Variants in GSDMA observed in about 807,000 individuals in gnomAD.
The protein encoded by GSDMA is gasdermin-A.
A neutral mutation model predicts 54.3 loss-of-function variants in GSDMA; 55 were observed. The observed-to-expected ratio is 1.01, with a 90% CI of 0.82 to 1.27. The LOEUF is 1.27. Among genes scored for constraint, GSDMA ranks in the 50% most tolerant of loss-of-function variants. GSDMA has a pLI of 0.00. For missense variants in GSDMA, 542 were observed against 542.6 expected, an observed-to-expected ratio of 1.00 and a Z score of 0.01; for synonymous variants, 211 against 224.7, an observed-to-expected ratio of 0.94 and a Z score of 0.54.
intron 3 of GSDMA, among the ~76,000 whole-genome samples, chr17:39,967,510 T>C (rs1979722977): frequency 6.6e-6 from 1 of 152,066 alleles, no homozygotes; most frequent in South Asian, 2.1e-4. Context: ...ACCCAAACCA[T>C]GGAAGAGGCA....
Position 39,975,911 on chromosome 17 carries a change from T to G in GSDMA, c.1022-13T>G, listed in dbSNP as rs777803091. ...ACCAGCAACACACATCTTTCTCTGCTTTTTTTCTCCAGAGCTAAGTGAAGC... is the reference window on the plus strand; with the variant it reads ...ACCAGCAACACACATCTTTCTCTGCGTTTTTTCTCCAGAGCTAAGTGAAGC... On this transcript the variant is annotated splice_polypyrimidine_tract_variant and intron_variant, in intron 10 of 11. Coordinates refer to ENST00000301659, the MANE Select transcript of GSDMA (RefSeq NM_178171.5). 4.4e-6 allele frequency: 7 copies of G among 1,580,656 alleles called. No homozygotes were observed. Among genetic ancestry groups the G allele is most frequent in the African/African-American group, 1.3e-5 (1 of 74,144 alleles).
At chr17:39,974,521 A>C in intron 9 of GSDMA, 94 bp downstream of exon 9, 4 of 1,351,184 alleles carry the variant, frequency 3.0e-6, no homozygotes, top group African/African-American at 1.5e-5. Flanking sequence ...GGGAGATCTG[A>C]CGGGGGCAGG....
At position 39,970,667 on chromosome 17, in the gene GSDMA, ACACACAC is replaced by A; in HGVS notation, c.558+21_558+27del. On this transcript the variant is annotated intron_variant, in intron 4 of 11. Coordinates refer to ENST00000301659, the MANE Select transcript of GSDMA (RefSeq NM_178171.5). ...CTACAGGTTTGATTCAAACACACAC[ACACACAC>A]ACACACACACTCTCACACTCACACT... 1.9e-6 allele frequency: 2 copies of A among 1,041,724 alleles called. No individual in the cohort carries two copies. The highest frequency in any genetic ancestry group is 1.8e-5 in the South Asian group (1 of 55,516). 64.5% of individuals were successfully genotyped at this position (1,041,724 alleles called of 1,614,324 possible).
intron 5 of GSDMA, 148 bp downstream of exon 5, chr17:39,971,768 T>G: frequency 1.6e-6 from 1 of 643,454 alleles, no homozygotes; most frequent in Non-Finnish European, 2.7e-6. Flanking sequence ...GAGCCTGCTC[T>G]GGAGAGAAGG....
At chr17:39,964,231 G>A (rs1455524473) in intron 1 of GSDMA, among the ~76,000 whole-genome samples, 1 of 152,154 alleles carries the variant, frequency 6.6e-6, no homozygotes, top group Non-Finnish European at 1.5e-5. Flanking sequence ...AGATCCGGAA[G>A]CGGGTATTGT....
chr17:39,974,519 T>C, intron 9 of GSDMA, 92 bp downstream of exon 9: 2 of 1,344,936 alleles, frequency 1.5e-6, no homozygotes, highest in Non-Finnish European at 2.0e-6. Context: ...TAGGGAGATC[T>C]GACGGGGGCA....
At chr17:39,966,676 A>C (rs1206843267) in intron 3 of GSDMA, among the ~76,000 whole-genome samples, 4 of 152,162 alleles carry the variant, frequency 2.6e-5, no homozygotes, top group African/African-American at 4.8e-5. Context: ...TCACGCATGC[A>C]CAGGGAAGAT....
intron 4 of GSDMA, among the ~76,000 whole-genome samples, chr17:39,971,014 C>G (rs1979915398): frequency 6.6e-6 from 1 of 152,340 alleles, no homozygotes; most frequent in South Asian, 2.1e-4. Context: ...GGCTAAAGCC[C>G]AGAGAACACA....
At position 39,965,846 on chromosome 17, in the gene GSDMA, C is replaced by A; in HGVS notation, c.159C>A (p.Tyr53Ter). The A allele has an allele frequency of 6.4e-7, 1 of 1,570,306 alleles. No homozygotes were observed. The highest frequency in any genetic ancestry group is 8.6e-7 in the Non-Finnish European group (1 of 1,158,190). ...RKSTLFWGAR[Y>*]VRTDYTLLDV... ...GCACGCTCTTCTGGGGGGCCCGGTA[C>A]GTCCGCACCGACTACACGCTGCTGG... The change falls in exon 2 of 12, where the codon TAC becomes TAA. Residue 53 changes from tyrosine (Y) to a stop codon, truncating the protein, a stop_gained. Coordinates refer to ENST00000301659, the MANE Select transcript of GSDMA (RefSeq NM_178171.5). LOFTEE classifies it high-confidence loss of function.
chr17:39,966,582 C>G (rs1461762085), intron 3 of GSDMA, 145 bp downstream of exon 3: 1 of 695,118 alleles, frequency 1.4e-6, no homozygotes, highest in African/African-American at 1.9e-5. Context: ...TGGAGGCAAC[C>G]CTTCTGGCCC....
At chr17:39,968,487 G>A (rs1209567943) in intron 3 of GSDMA, among the ~76,000 whole-genome samples, 1 of 151,258 alleles carries the variant, frequency 6.6e-6, no homozygotes, top group African/African-American at 2.4e-5. Context: ...AGCTGGGATT[G>A]CAGGCGCACG....
At chr17:39,966,004 T>C (rs1231262561) in intron 2 of GSDMA, 103 bp downstream of exon 2, 1 of 1,113,742 alleles carries the variant, frequency 9.0e-7, no homozygotes, top group Admixed American at 2.2e-5. Context: ...CAGAGGTGAT[T>C]AGATGTCATC....
chr17:39,965,210 GAA>G (rs1216655307), intron 1 of GSDMA, among the ~76,000 whole-genome samples: 2 of 126,608 alleles, frequency 1.6e-5, no homozygotes, highest in African/African-American at 6.3e-5. Flanking sequence ...GGGGAAGAAA[GAA>G]AGAGGAAAGA....
At chr17:39,972,357 A>T (rs1261350536) in intron 6 of GSDMA, among the ~76,000 whole-genome samples, 181 bp downstream of exon 6, 1 of 152,116 alleles carries the variant, frequency 6.6e-6, no homozygotes, top group East Asian at 1.9e-4. Context: ...GCATATAAAT[A>T]CTGTCCCAGA....
At chr17:39,964,777 C>T (rs190944035) in intron 1 of GSDMA, among the ~76,000 whole-genome samples, 68 of 152,200 alleles carry the variant, frequency 4.5e-4, no homozygotes, top group Admixed American at 3.3e-3. Flanking sequence ...TGGTGTCCTC[C>T]GACTCTGGCT....
At position 39,975,028 on chromosome 17, in the gene GSDMA, A is replaced by G. The variant is rs1980141610; in HGVS notation, c.1021+14A>G. The G allele has an allele frequency of 6.8e-7, 1 of 1,462,930 alleles. No homozygotes were observed. The highest frequency in any genetic ancestry group is 2.3e-5 in the East Asian group (1 of 43,914). The allele number at this position is 1,462,930 out of a possible 1,614,324, so 90.6% of individuals were successfully genotyped here. On this transcript the variant is annotated intron_variant, in intron 10 of 11. Coordinates refer to ENST00000301659, the MANE Select transcript of GSDMA (RefSeq NM_178171.5). Reference sequence around the variant, plus strand: ...GAGCCCTAACAGGTAAGTGGGGAATAAGGTCTTCATTTATAGACCTTTTCA... The same window carrying G: ...GAGCCCTAACAGGTAAGTGGGGAATGAGGTCTTCATTTATAGACCTTTTCA...
rs748103994 is a variant in GSDMA, at chr17:39,974,879, G to A, written c.907-21G>A. 3.5e-6 allele frequency: 5 copies of A among 1,423,540 alleles called. No homozygotes were observed. The East Asian group carries it at 9.2e-5, about 26-fold the overall frequency. 88.2% of individuals were successfully genotyped at this position (1,423,540 alleles called of 1,614,324 possible). ...GCCCTTTCCTATGTTATCTTCAATAGTCGCCCACCTTCCCCCACAGCTTGA... is the reference window on the plus strand; with the variant it reads ...GCCCTTTCCTATGTTATCTTCAATAATCGCCCACCTTCCCCCACAGCTTGA... On this transcript the variant is annotated intron_variant, in intron 9 of 11. Coordinates refer to ENST00000301659, the MANE Select transcript of GSDMA (RefSeq NM_178171.5).
chr17:39,970,991 G>A (rs1050359456), intron 4 of GSDMA, among the ~76,000 whole-genome samples: 2 of 152,200 alleles, frequency 1.3e-5, no homozygotes, highest in Admixed American at 1.3e-4. Flanking sequence ...CAGGTTCATA[G>A]AGGAGACACA....
chr17:39,965,855 C>T lies in GSDMA; in HGVS notation c.168C>T (p.Thr56=), dbSNP rs375544764. The part of the protein sequence containing the change: ...TLFWGARYVR[T]DYTLLDVLEP... ...TCTGGGGGGCCCGGTACGTCCGCAC[C>T]GACTACACGCTGCTGGATGTGCTTG... Residue 56 remains threonine, a synonymous_variant, in exon 2 of 12, where the codon ACC becomes ACT. Coordinates refer to ENST00000301659, the MANE Select transcript of GSDMA (RefSeq NM_178171.5). The T allele has an allele frequency of 1.4e-4, 216 of 1,564,938 alleles. 1 individual carries two copies. Among genetic ancestry groups the T allele is most frequent in the African/African-American group, 7.3e-4 (54 of 73,646 alleles).
Sources: gnomAD v4.1 joint callset for allele counts (sites outside exome capture counted in the v4.1 genomes callset) on GRCh38, gnomAD v4.1.1 for gene constraint, MANE v1.5 for transcripts, NCBI Gene and HGNC (gene_info 2026-07-23, HGNC 2026-07-21) for gene names.